The following RAB21 variants were observed in gnomAD, a reference collection of about 807,000 sequenced individuals.
The protein encoded by RAB21 is RAB21, member RAS oncogene family.
RAB21 carries 13 observed loss-of-function variants against 33.1 expected under a neutral mutation model. The ratio of observed to expected loss-of-function variants is 0.39; its 90% confidence interval spans 0.26 to 0.62. RAB21 has a LOEUF of 0.62. Among genes scored for constraint, RAB21 ranks in the 20% least tolerant of loss-of-function variants. The pLI, the probability that RAB21 is intolerant of heterozygous loss-of-function variation, is 0.48. For missense variants in RAB21, 234 were observed against 279.1 expected, an observed-to-expected ratio of 0.84 and a Z score of 1.15; for synonymous variants, 91 against 103.7, an observed-to-expected ratio of 0.88 and a Z score of 0.74.
chr12:71,775,077 C>T (rs1238896302), intron 4 of RAB21, among the ~76,000 whole-genome samples: 1 of 152,120 alleles, frequency 6.6e-6, no homozygotes, highest in Non-Finnish European at 1.5e-5. Context: ...GAGGAATATT[C>T]CTAATGGGTA....
intron 1 of RAB21, 99 bp from the exon 2 acceptor site, chr12:71,769,701 G>C: frequency 1.9e-6 from 1 of 533,150 alleles, no homozygotes; most frequent in Non-Finnish European, 3.2e-6. Context: ...TTTTCTCCCA[G>C]ATAACTTTTA....
chr12:71,770,705 C>G lies in RAB21; in HGVS notation c.327+6C>G. On this transcript the variant is annotated splice_donor_region_variant and intron_variant, in intron 3 of 6. Transcript: ENST00000261263. The stretch of plus-strand genomic sequence containing the variant: ...ATGAAGATTCTTTTCAGAAGGTATT[C>G]TATTCATGGGTAGATGTCTTAGAAG... The G allele has an allele frequency of 3.3e-6, 5 of 1,525,840 alleles. No individual in the cohort carries two copies. Among genetic ancestry groups the G allele is most frequent in the Non-Finnish European group, 4.5e-6 (5 of 1,103,118 alleles). 94.5% of individuals were successfully genotyped at this position (1,525,840 alleles called of 1,614,324 possible). A position where few individuals can be genotyped will look rare whatever the true frequency, so the allele number is the denominator to read the frequency against.
chr12:71,774,542 T>A (rs1027520570), intron 4 of RAB21, among the ~76,000 whole-genome samples: 1 of 152,008 alleles, frequency 6.6e-6, no homozygotes, highest in African/African-American at 2.4e-5. Flanking sequence ...GTAGATCATC[T>A]GAGGTCAGGA....
At chr12:71,784,021 A>C (rs1396816774) in intron 6 of RAB21, among the ~76,000 whole-genome samples, 4 of 152,238 alleles carry the variant, frequency 2.6e-5, no homozygotes, top group Non-Finnish European at 4.4e-5. Flanking sequence ...TACATTTTAA[A>C]ACATACCTAA....
chr12:71,782,530 T>A, intron 5 of RAB21, 40 bp from the exon 6 acceptor site: 1 of 1,380,212 alleles, frequency 7.2e-7, no homozygotes, highest in Non-Finnish European at 1.0e-6. Flanking sequence ...AAATCATGAA[T>A]AATATTTTAC....
intron 3 of RAB21, 117 bp downstream of exon 3, chr12:71,770,816 T>A: frequency 1.4e-6 from 1 of 696,708 alleles, no homozygotes; most frequent in Non-Finnish European, 2.3e-6. Flanking sequence ...AGTATATAAT[T>A]TGTGCATAAC....
rs1283231509 is a variant in RAB21, at chr12:71,789,616, T to C, written c.*3943T>C. 1 of 152,162 alleles carries C rather than the reference T, an allele frequency of 6.6e-6. No individual in the cohort carries two copies. Among genetic ancestry groups the C allele is most frequent in the Non-Finnish European group, 1.5e-5 (1 of 67,984 alleles). The allele number at this position is 152,162 out of a possible 1,614,324, so 9.4% of individuals were successfully genotyped here. On this transcript the variant is annotated 3_prime_UTR_variant, in exon 7 of 7. Transcript: ENST00000261263. ...GTGACCCGCAGGAGCCTCACAATAA[T>C]GTCTAAAGATATAAACTGAGTAGAT...
chr12:71,768,416 C>G (rs1882991613), intron 1 of RAB21, among the ~76,000 whole-genome samples: 1 of 152,142 alleles, frequency 6.6e-6, no homozygotes, highest in Admixed American at 6.6e-5. Context: ...ATGTGACTAT[C>G]TCTATACAGG....
chr12:71,758,423 A>T (rs1283974628), intron 1 of RAB21, among the ~76,000 whole-genome samples: 1 of 151,678 alleles, frequency 6.6e-6, no homozygotes, highest in Non-Finnish European at 1.5e-5. Flanking sequence ...GAAGATAGCT[A>T]TCTTGTCTTC....
At chr12:71,781,040 T>G (rs1461109069) in intron 4 of RAB21, among the ~76,000 whole-genome samples, 1 of 152,236 alleles carries the variant, frequency 6.6e-6, no homozygotes, top group Non-Finnish European at 1.5e-5. Context: ...TCATTTTTGT[T>G]CTGATGGCTT....
At position 71,774,031 on chromosome 12, in the gene RAB21, C is replaced by T. The variant is rs969708503; in HGVS notation, c.391+9C>T. 2 of 1,538,616 alleles carry T rather than the reference C, an allele frequency of 1.3e-6. No individual in the cohort carries two copies. Among genetic ancestry groups the T allele is most frequent in the Non-Finnish European group, 1.8e-6 (2 of 1,140,574 alleles). Reference sequence around the variant, plus strand: ...CTGTTTATGTATAGTTGGTAAGCATCATTACTTTTTTCTAAAAAAAAAGTC... The same window carrying T: ...CTGTTTATGTATAGTTGGTAAGCATTATTACTTTTTTCTAAAAAAAAAGTC... On this transcript the variant is annotated intron_variant, in intron 4 of 6. Coordinates refer to ENST00000261263, the MANE Select transcript of RAB21 (RefSeq NM_014999.4).
rs1883295210 is a variant in RAB21, at chr12:71,786,478, C to T, written c.*805C>T. The T allele has an allele frequency of 6.6e-6, 1 of 152,566 alleles. No homozygotes were observed. The highest frequency in any genetic ancestry group is 1.5e-5 in the Non-Finnish European group (1 of 68,028). The allele number at this position is 152,566 out of a possible 1,614,324, so 9.5% of individuals were successfully genotyped here. A position where few individuals can be genotyped will look rare whatever the true frequency, so the allele number is the denominator to read the frequency against. On this transcript the variant is annotated 3_prime_UTR_variant, in exon 7 of 7. Coordinates refer to ENST00000261263, the MANE Select transcript of RAB21 (RefSeq NM_014999.4). The stretch of plus-strand genomic sequence containing the variant: ...ACTATTTTTGCAGGGTTTGCACAGG[C>T]CCGTAACTGTCTACTACTTTGATAT...
In RAB21 at chr12:71,788,980, C is replaced by T. The variant is rs1161801760; in HGVS notation, c.*3307C>T. On this transcript the variant is annotated 3_prime_UTR_variant, in exon 7 of 7. Transcript: ENST00000261263. The stretch of plus-strand genomic sequence containing the variant: ...GCCTAAGAATACCCTAAAGCTATGG[C>T]TGTTACTGCATTGAAATCTTTTTTT... The T allele has an allele frequency of 2.0e-5, 3 of 151,018 alleles. No individual in the cohort carries two copies. Among genetic ancestry groups the T allele is most frequent in the African/African-American group, 7.3e-5 (3 of 41,064 alleles). 9.4% of individuals were successfully genotyped at this position (151,018 alleles called of 1,614,324 possible).
chr12:71,783,784 G>C (rs2137658791), intron 6 of RAB21, among the ~76,000 whole-genome samples: 1 of 152,194 alleles, frequency 6.6e-6, no homozygotes, highest in African/African-American at 2.4e-5. Flanking sequence ...GATAGATTGA[G>C]GTCCTCATTT....
chr12:71,775,368 A>C (rs1189402915), intron 4 of RAB21, among the ~76,000 whole-genome samples: 1 of 152,208 alleles, frequency 6.6e-6, no homozygotes, highest in Non-Finnish European at 1.5e-5. Context: ...ACTAATCCTT[A>C]AGATGTATAG....
At position 71,785,702 on chromosome 12, in the gene RAB21, G is replaced by A. The variant is rs757845919; in HGVS notation, c.*29G>A. The A allele has an allele frequency of 6.2e-7, 1 of 1,612,298 alleles. No individual in the cohort carries two copies. The highest frequency in any genetic ancestry group is 8.5e-7 in the Non-Finnish European group (1 of 1,178,766). On this transcript the variant is annotated 3_prime_UTR_variant, in exon 7 of 7. Coordinates refer to ENST00000261263, the MANE Select transcript of RAB21 (RefSeq NM_014999.4). ...TTCACGCCTAAGAAATTAAAAGACA[G>A]AACAAAACTGTGGATCATTGCCCTC...
chr12:71,786,615 T>C lies in RAB21; in HGVS notation c.*942T>C, dbSNP rs1280450600. ...TGCAAAAATATATACAATAGTCTCATTGATGACTGTAAAGTGAATTAACAT... is the reference window on the plus strand; with the variant it reads ...TGCAAAAATATATACAATAGTCTCACTGATGACTGTAAAGTGAATTAACAT... On this transcript the variant is annotated 3_prime_UTR_variant, in exon 7 of 7. Coordinates refer to ENST00000261263, the MANE Select transcript of RAB21 (RefSeq NM_014999.4). 1.3e-5 allele frequency: 2 copies of C among 152,662 alleles called. No homozygotes were observed. Among genetic ancestry groups the C allele is most frequent in the African/African-American group, 4.8e-5 (2 of 41,458 alleles). The allele number at this position is 152,662 out of a possible 1,614,324, so 9.5% of individuals were successfully genotyped here.
rs753364424 is a variant in RAB21 at position 71,770,621 on chromosome 12, A to G, written c.249A>G (p.Ala83=). The G allele has an allele frequency of 1.5e-5, 24 of 1,607,600 alleles. No individual in the cohort carries two copies. In the South Asian group the frequency reaches 2.5e-4, roughly 17 times the overall value. ...WDTAGQERFH[A]LGPIYYRDSN... ...CGGCAGGTCAAGAGAGATTCCATGC[A>G]TTGGGTCCAATTTACTACAGAGATT... Residue 83 remains alanine, a synonymous_variant, in exon 3 of 7, where the codon GCA becomes GCG. Transcript: ENST00000261263.
chr12:71,779,130 A>G (rs1050173679), intron 4 of RAB21, among the ~76,000 whole-genome samples: 1 of 152,218 alleles, frequency 6.6e-6, no homozygotes. Flanking sequence ...ACATGCGTAC[A>G]GTGAGACTAA....
Sources: gnomAD v4.1 joint callset for allele counts (sites outside exome capture counted in the v4.1 genomes callset) on GRCh38, gnomAD v4.1.1 for gene constraint, MANE v1.5 for transcripts, NCBI Gene and HGNC (gene_info 2026-07-23, HGNC 2026-07-21) for gene names.